Variants in FRMD4A observed in about 807,000 individuals in gnomAD.
FRMD4A encodes the protein FERM domain containing 4A.
Under a neutral mutation model 129.1 loss-of-function variants are expected in FRMD4A, and 29 were observed. The observed-to-expected ratio is 0.22, with a 90% CI of 0.17 to 0.31. The LOEUF (loss-of-function observed/expected upper bound fraction) is 0.31. Among genes scored for constraint, FRMD4A ranks in the 10% least tolerant of loss-of-function variants. The probability of loss-of-function intolerance (pLI) is 1.00; values close to 1 mark genes in which losing one functional copy is unlikely to be tolerated. For missense variants in FRMD4A, 1,272 were observed against 1,375.8 expected, an observed-to-expected ratio of 0.92 and a Z score of 1.19; for synonymous variants, 634 against 571.6, an observed-to-expected ratio of 1.11 and a Z score of -1.56.
intron 2 of FRMD4A, among the ~76,000 whole-genome samples, chr10:14,124,185 A>G (rs777428740): frequency 6.6e-6 from 1 of 152,206 alleles, no homozygotes; most frequent in African/African-American, 2.4e-5. Flanking sequence ...CAACCAGATC[A>G]GAGTCAGGAG....
At chr10:14,091,675 C>T (rs181384667) in intron 2 of FRMD4A, among the ~76,000 whole-genome samples, 40 of 152,292 alleles carry the variant, frequency 2.6e-4, no homozygotes, top group Non-Finnish European at 4.6e-4. Context: ...CCTCATGATC[C>T]GCCCACCTTG....
rs113302052 is a variant in FRMD4A, at chr10:13,821,648, A to G, written c.112-10740T>C. 8.5e-5 allele frequency among the ~76,000 whole-genome samples: 13 copies of G among 152,192 alleles called. No individual in the cohort carries two copies. Among genetic ancestry groups the G allele is most frequent in the Non-Finnish European group, 1.8e-4 (12 of 68,040 alleles). The stretch of plus-strand genomic sequence containing the variant: ...AGAAACACCTGAAGTAGACACCAGG[A>G]TTGCCCCCATGTGATAGAGGGAACT... On this transcript the variant is annotated intron_variant, in intron 3 of 24. Transcript: ENST00000357447. This position sits in a 1 kb window ranked among gnomAD's most constrained non-coding sequence, Gnocchi z 4.3.
intron 2 of FRMD4A, among the ~76,000 whole-genome samples, chr10:14,051,548 G>T (rs1834260356): frequency 6.6e-6 from 1 of 152,212 alleles, no homozygotes; most frequent in Non-Finnish European, 1.5e-5. Context: ...AGGAAGAGGA[G>T]CTGGAAATGA....
At chr10:13,985,242 G>A (rs956624020) in intron 2 of FRMD4A, among the ~76,000 whole-genome samples, 9 of 152,180 alleles carry the variant, frequency 5.9e-5, no homozygotes, top group African/African-American at 1.7e-4. Context: ...CCTCGCCCTC[G>A]GGTGTCCCTC....
chr10:13,812,140 C>T (rs184442572), intron 3 of FRMD4A, among the ~76,000 whole-genome samples: 37 of 152,268 alleles, frequency 2.4e-4, no homozygotes, highest in African/African-American at 8.7e-4. Flanking sequence ...CTCGGCCTCC[C>T]AGTGTTGGGA....
chr10:14,098,754 G>A (rs989885530), intron 2 of FRMD4A, among the ~76,000 whole-genome samples: 1 of 152,128 alleles, frequency 6.6e-6, no homozygotes, highest in Non-Finnish European at 1.5e-5. Context: ...TTACCCTAGT[G>A]CCTCCCTAGC....
intron 2 of FRMD4A, among the ~76,000 whole-genome samples, chr10:14,144,852 C>T (rs958838398): frequency 1.3e-5 from 2 of 152,066 alleles, no homozygotes; most frequent in Non-Finnish European, 2.9e-5. Flanking sequence ...GGTGAAACCG[C>T]AGAGAAGGAC....
chr10:14,329,614 G>A (rs1589323043), intron 2 of FRMD4A, among the ~76,000 whole-genome samples: 1 of 152,258 alleles, frequency 6.6e-6, no homozygotes, highest in East Asian at 1.9e-4. Context: ...GAAAGTATGA[G>A]CAGATATATG....
chr10:13,986,362 T>C (rs1464323850), intron 2 of FRMD4A, among the ~76,000 whole-genome samples: 2 of 150,810 alleles, frequency 1.3e-5, no homozygotes, highest in East Asian at 2.0e-4. Context: ...ATGGATGAAA[T>C]TGGAAATCAT....
chr10:14,254,505 T>C (rs931270721), intron 2 of FRMD4A, among the ~76,000 whole-genome samples: 4 of 152,174 alleles, frequency 2.6e-5, no homozygotes, highest in African/African-American at 9.6e-5. Context: ...TGTATTGGGC[T>C]TGAAGTGGGA....
intron 12 of FRMD4A, among the ~76,000 whole-genome samples, chr10:13,720,205 C>A (rs7913129): frequency 6.6e-6 from 1 of 152,160 alleles, no homozygotes; most frequent in African/African-American, 2.4e-5. Flanking sequence ...CGCGCCAGCA[C>A]GCCCAGCTAA....
chr10:13,742,308 C>A (rs1314651923), intron 9 of FRMD4A, among the ~76,000 whole-genome samples: 1 of 152,128 alleles, frequency 6.6e-6, no homozygotes, highest in East Asian at 1.9e-4. Context: ...CTGGGGAATC[C>A]CAGGGAAGCA....
chr10:13,863,994 T>TTC (rs377146732), intron 2 of FRMD4A, among the ~76,000 whole-genome samples: 8 of 151,246 alleles, frequency 5.3e-5, no homozygotes, highest in African/African-American at 1.2e-4. Context: ...CTCTCTTTCT[T>TTC]TCTCTCTCTC....
chr10:13,939,712 A>G (rs1438836891), intron 2 of FRMD4A, among the ~76,000 whole-genome samples: 1 of 152,216 alleles, frequency 6.6e-6, no homozygotes. Flanking sequence ...AATAATCAGT[A>G]CTGCACAGTG....
rs2797858 is a variant in FRMD4A at position 13,884,220 on chromosome 10, A to T, written c.46-25308T>A. On this transcript the variant is annotated intron_variant, in intron 2 of 24. Transcript: ENST00000357447. ...CTCACACACACACTCACACACACACACACACACACACACACACACACTCCC... is the reference window on the plus strand; with the variant it reads ...CTCACACACACACTCACACACACACTCACACACACACACACACACACTCCC... 3.8e-3 allele frequency among the ~76,000 whole-genome samples: 297 copies of T among 77,490 alleles called. 5 individuals carry two copies. Among genetic ancestry groups the T allele is most frequent in the African/African-American group, 0.01 (224 of 22,050 alleles). 50.8% of individuals were successfully genotyped at this position (77,490 alleles called of 152,430 possible). A position where few individuals can be genotyped will look rare whatever the true frequency, so the allele number is the denominator to read the frequency against.
chr10:13,825,937 CTG>C (rs2093694310), intron 3 of FRMD4A, among the ~76,000 whole-genome samples: 1 of 152,220 alleles, frequency 6.6e-6, no homozygotes, highest in African/African-American at 2.4e-5. Context: ...CAAGGGATAA[CTG>C]TGCTGTGATT....
chr10:14,204,389 T>C (rs1452880114), intron 2 of FRMD4A, among the ~76,000 whole-genome samples: 3 of 152,032 alleles, frequency 2.0e-5, no homozygotes, highest in Non-Finnish European at 2.9e-5. Context: ...TGATCAGCCA[T>C]TGTACTCCAG....
chr10:14,264,213 C>G (rs899277218), intron 2 of FRMD4A, among the ~76,000 whole-genome samples: 13 of 152,148 alleles, frequency 8.5e-5, no homozygotes, highest in African/African-American at 2.7e-4. Flanking sequence ...GAAGCAACCG[C>G]CTGAAATCCC....
At chr10:13,895,080 G>A (rs1351198114) in intron 2 of FRMD4A, among the ~76,000 whole-genome samples, 1 of 152,132 alleles carries the variant, frequency 6.6e-6, no homozygotes, top group African/African-American at 2.4e-5. Flanking sequence ...AACCTTTTGG[G>A]GCTTTTTAAA....
Sources: gnomAD v4.1 joint callset for allele counts (sites outside exome capture counted in the v4.1 genomes callset) on GRCh38, gnomAD v4.1.1 for gene constraint, Gnocchi (gnomAD v3.1) non-coding constraint, MANE v1.5 for transcripts, NCBI Gene and HGNC (gene_info 2026-07-23, HGNC 2026-07-21) for gene names.